The following PTBP1 variants were observed in gnomAD, a reference collection of about 807,000 sequenced individuals.
The protein encoded by PTBP1 is polypyrimidine tract-binding protein 1.
Under a neutral mutation model 59.8 loss-of-function variants are expected in PTBP1, and 8 were observed. That is an observed-to-expected ratio of 0.13 (90% CI 0.08 to 0.24). The LOEUF (loss-of-function observed/expected upper bound fraction) is 0.24. Among genes scored for constraint, PTBP1 ranks in the 10% least tolerant of loss-of-function variants. The pLI is 1.00. For missense variants in PTBP1, 686 were observed against 767.0 expected (o/e 0.89, Z 1.25); for synonymous variants, 490 against 320.7 (o/e 1.53, Z -5.64).
In PTBP1 at chr19:808,105, G is replaced by C. The variant is rs117709120; in HGVS notation, c.1153+203G>C. On this transcript the variant is annotated intron_variant, in intron 11 of 14. Transcript: ENST00000356948. This position sits in a 1 kb window ranked among gnomAD's most constrained non-coding sequence, Gnocchi z 4.7. ...TTTATCGCCCTGCATGCTTTTCAGA[G>C]TTAGACCTGTCGGTGGCATATGCCA... is the stretch of plus-strand genomic sequence containing the variant. The C allele has an allele frequency of 5.4e-3, 3,480 of 640,364 alleles. 18 individuals carry two copies. Among genetic ancestry groups the C allele is most frequent in the Non-Finnish European group, 8.0e-3 (2,890 of 359,024 alleles). The allele number at this position is 640,364 out of a possible 1,614,324, so 39.7% of individuals were successfully genotyped here. A position where few individuals can be genotyped will look rare whatever the true frequency, so the allele number is the denominator to read the frequency against.
chr19:799,779 C>G (rs113017524), intron 2 of PTBP1, among the ~76,000 whole-genome samples: 305 of 152,344 alleles, frequency 2.0e-3, no homozygotes, highest in African/African-American at 7.0e-3. Context: ...CAGTGGGAAA[C>G]CTCATGTTGT....
intron 10 of PTBP1, chr19:807,663 CAAAT>C (rs891005979): frequency 8.0e-6 from 4 of 500,986 alleles, no homozygotes; most frequent in Non-Finnish European, 1.4e-5. Context: ...AAAACATAAA[CAAAT>C]AAAAAACAAA....
At chr19:806,811 G>A in intron 10 of PTBP1, 1 of 411,652 alleles carries the variant, frequency 2.4e-6, no homozygotes, top group Non-Finnish European at 4.3e-6. Flanking sequence ...TTACCCAAAG[G>A]CAATCTAAAA....
At chr19:799,265 C>G in intron 1 of PTBP1, 148 bp from the exon 2 acceptor site, 1 of 794,628 alleles carries the variant, frequency 1.3e-6, no homozygotes, top group Non-Finnish European at 2.3e-6. Context: ...TCTGAGCTTT[C>G]TCTAGCGGGG....
chr19:798,023 TG>T (rs965329705), intron 1 of PTBP1, among the ~76,000 whole-genome samples: 1 of 150,762 alleles, frequency 6.6e-6, no homozygotes, highest in Non-Finnish European at 1.5e-5. Context: ...CAGGCGGGGC[TG>T]GGGCGGCCGC....
intron 6 of PTBP1, 62 bp downstream of exon 6, chr19:804,764 G>C: frequency 6.2e-7 from 1 of 1,606,582 alleles, no homozygotes; most frequent in Non-Finnish European, 8.5e-7. Flanking sequence ...ACAGGCACAC[G>C]GGAGGGGCCT....
At chr19:802,888 C>T (rs907460975) in intron 2 of PTBP1, among the ~76,000 whole-genome samples, 8 of 152,192 alleles carry the variant, frequency 5.3e-5, no homozygotes, top group African/African-American at 1.9e-4. Flanking sequence ...ATGGACAGGT[C>T]AGAAGTGATG....
At chr19:809,170 G>A (rs990265261) in intron 13 of PTBP1, among the ~76,000 whole-genome samples, 1 of 151,972 alleles carries the variant, frequency 6.6e-6, no homozygotes, top group Non-Finnish European at 1.5e-5. Context: ...AACCACACCT[G>A]GCTAATTTTT....
chr19:804,554 C>T lies in PTBP1; in HGVS notation c.458C>T (p.Ala153Val), dbSNP rs1295072402. The change falls in exon 6 of 15, where the codon GCG becomes GTG. Residue 153 changes from alanine to valine, a missense_variant. Transcript: ENST00000356948. ...NQARAQAALQ[A>V]VNSVQSGNLA... The stretch of plus-strand genomic sequence containing the variant: ...CAGCGGGCCCAGGCGGCCCTGCAGG[C>T]GGTGAACTCGGTCCAGTCGGGGAAC... 5.6e-6 allele frequency: 9 copies of T among 1,606,188 alleles called. No homozygotes were observed. Among genetic ancestry groups the T allele is most frequent in the East Asian group, 2.2e-5 (1 of 44,804 alleles).
intron 9 of PTBP1, chr19:805,889 A>C: frequency 2.6e-6 from 1 of 387,594 alleles, no homozygotes. Context: ...TAGTAGTTGA[A>C]TTTGAGTGGC....
At chr19:810,480 C>G in intron 13 of PTBP1, 63 bp from the exon 14 acceptor site, 1 of 1,443,982 alleles carries the variant, frequency 6.9e-7, no homozygotes, top group South Asian at 1.2e-5. Flanking sequence ...GAAAGCCTCG[C>G]GGACCTGACT....
intron 1 of PTBP1, 55 bp downstream of exon 1, chr19:797,560 C>CCCG (rs1403450278): frequency 5.4e-6 from 7 of 1,295,506 alleles, no homozygotes; most frequent in Non-Finnish European, 6.9e-6. Flanking sequence ...CAGCCCTGCC[C>CCCG]CCGCCGCCGC....
intron 13 of PTBP1, 97 bp from the exon 14 acceptor site, chr19:810,446 G>T: frequency 9.7e-7 from 1 of 1,031,546 alleles, no homozygotes; most frequent in Non-Finnish European, 1.4e-6. Context: ...CGCCTTCCCC[G>T]GCTACTCTGA....
Position 804,366 on chromosome 19 carries a change from G to C in PTBP1, c.363G>C (p.Leu121=). 1 of 1,613,064 alleles carries C rather than the reference G, an allele frequency of 6.2e-7. No homozygotes were observed. The change falls in exon 5 of 15, where the codon CTG becomes CTC. Residue 121 remains leucine (L), a synonymous_variant. Coordinates refer to ENST00000356948, the MANE Select transcript of PTBP1 (RefSeq NM_002819.5). ...VNYYTSVTPV[L]RGQPIYIQFS... Reference sequence around the variant, plus strand: ...ACTACACCTCGGTGACCCCTGTGCTGCGCGGCCAGCCCATCTACATCCAGT... The same window carrying C: ...ACTACACCTCGGTGACCCCTGTGCTCCGCGGCCAGCCCATCTACATCCAGT...
chr19:802,935 C>CA (rs2034399696), intron 2 of PTBP1, among the ~76,000 whole-genome samples: 1 of 152,218 alleles, frequency 6.6e-6, no homozygotes, highest in Admixed American at 6.5e-5. Flanking sequence ...TAGTCACGGC[C>CA]GCGATACCAG....
At chr19:803,960 C>T in intron 3 of PTBP1, 76 bp from the exon 4 acceptor site, 1 of 1,567,226 alleles carries the variant, frequency 6.4e-7, no homozygotes, top group South Asian at 1.1e-5. Context: ...AGGCAGGGCT[C>T]TAGGGGGATA....
At chr19:803,072 G>A (rs749242023) in intron 2 of PTBP1, among the ~76,000 whole-genome samples, 50 of 152,136 alleles carry the variant, frequency 3.3e-4, no homozygotes, top group Admixed American at 1.4e-3. Flanking sequence ...GGGAGGCAGC[G>A]CTATAATTTG....
rs1401754087 is a variant in PTBP1 at position 808,311 on chromosome 19, G to A, written c.1154-49G>A. The A allele has an allele frequency of 1.4e-6, 2 of 1,454,968 alleles. No homozygotes were observed. The highest frequency in any genetic ancestry group is 1.9e-5 in the Admixed American group (1 of 51,634). 90.1% of individuals were successfully genotyped at this position (1,454,968 alleles called of 1,614,324 possible). On this transcript the variant is annotated intron_variant, in intron 11 of 14. Transcript: ENST00000356948. The surrounding 1 kb of genome is among the most constrained non-coding windows in gnomAD (Gnocchi z 4.7). ...CGGGGCCGGGGCTGACGGGGAGATGGGCGGGGCAGGCAGCAGGAGACTCAG... is the reference window on the plus strand; with the variant it reads ...CGGGGCCGGGGCTGACGGGGAGATGAGCGGGGCAGGCAGCAGGAGACTCAG...
intron 10 of PTBP1, chr19:807,568 AT>A (rs2034642533): frequency 1.0e-4 from 40 of 401,360 alleles, no homozygotes; most frequent in Non-Finnish European, 1.4e-4. Context: ...CCCTTTCCCT[AT>A]TTTTTTTCTT....
Sources: allele counts gnomAD v4.1 joint callset (sites outside exome capture counted in the v4.1 genomes callset), GRCh38; gene constraint gnomAD v4.1.1; non-coding constraint Gnocchi (gnomAD v3.1); transcripts MANE v1.5; gene names NCBI Gene and HGNC (gene_info 2026-07-23, HGNC 2026-07-21).